TESK2: variants seen among roughly 807,000 people sequenced by gnomAD.
The protein encoded by TESK2 is testis associated actin remodelling kinase 2.
A neutral mutation model predicts 57.1 loss-of-function variants in TESK2; 39 were observed. The observed-to-expected ratio is 0.68, with a 90% confidence interval of 0.53 to 0.89. The LOEUF (loss-of-function observed/expected upper bound fraction) is 0.89, where lower values mean the gene tolerates loss of function less well. Among genes scored for constraint, TESK2 ranks in the 40% least tolerant of loss-of-function variants. The pLI, the probability that TESK2 is intolerant of heterozygous loss-of-function variation, is 0.00. For synonymous variants in TESK2, 249 were observed against 267.9 expected (o/e 0.93, Z 0.69); for missense variants, 646 against 732.1 (o/e 0.88, Z 1.36).
chr1:45,473,698 T>C (rs1156867674), intron 1 of TESK2, among the ~76,000 whole-genome samples: 7 of 152,158 alleles, frequency 4.6e-5, no homozygotes. Context: ...TATGTTCAAA[T>C]TCTGACTCTG....
At chr1:45,476,604 T>G (rs1486084236) in intron 1 of TESK2, among the ~76,000 whole-genome samples, 1 of 151,870 alleles carries the variant, frequency 6.6e-6, no homozygotes, top group Non-Finnish European at 1.5e-5. Flanking sequence ...TCCCAGGACT[T>G]TGGGAGGCTA....
intron 1 of TESK2, among the ~76,000 whole-genome samples, chr1:45,487,957 C>A (rs1402527980): frequency 6.6e-6 from 1 of 151,634 alleles, no homozygotes; most frequent in South Asian, 2.1e-4. Context: ...TTCTTTCCCC[C>A]AGGCTGGAGT....
At chr1:45,456,888 C>G (rs1425786817) in intron 2 of TESK2, among the ~76,000 whole-genome samples, 1 of 152,042 alleles carries the variant, frequency 6.6e-6, no homozygotes, top group African/African-American at 2.4e-5. Flanking sequence ...TCATTAATTA[C>G]TGACAATGAG....
intron 1 of TESK2, among the ~76,000 whole-genome samples, chr1:45,488,202 G>A (rs1392610793): frequency 2.0e-5 from 3 of 152,052 alleles, no homozygotes; most frequent in African/African-American, 7.2e-5. Context: ...AATCCAAAGT[G>A]AGCCACTACA....
intron 1 of TESK2, among the ~76,000 whole-genome samples, chr1:45,483,287 A>C (rs1419234548): frequency 6.6e-6 from 1 of 151,446 alleles, no homozygotes; most frequent in Non-Finnish European, 1.5e-5. Flanking sequence ...TCTCAAAAAA[A>C]AAAAAACAAC....
intron 1 of TESK2, among the ~76,000 whole-genome samples, chr1:45,477,167 A>G (rs1484485539): frequency 6.6e-6 from 1 of 151,620 alleles, no homozygotes; most frequent in Non-Finnish European, 1.5e-5. Context: ...CAGAAGGCAG[A>G]GGTTGCGGTG....
chr1:45,461,304 G>A (rs1004195593), intron 1 of TESK2, among the ~76,000 whole-genome samples: 1 of 152,042 alleles, frequency 6.6e-6, no homozygotes, highest in African/African-American at 2.4e-5. Context: ...AGTGAGCTCA[G>A]ATCACACCAC....
chr1:45,346,596 C>T (rs909602590), intron 9 of TESK2, 97 bp downstream of exon 9: 15 of 1,016,540 alleles, frequency 1.5e-5, no homozygotes, highest in Middle Eastern at 4.2e-4. Flanking sequence ...AATGAGGTCC[C>T]TCATGAAGCT....
Position 45,483,321 on chromosome 1 carries a change from C to T in TESK2, c.-87+7531G>A, listed in dbSNP as rs185329354. On this transcript the variant is annotated intron_variant, in intron 1 of 10. Transcript: ENST00000372086. ...ACAACAACAAAAAAGAGGAGCCGGG[C>T]GTGGTGGCTCACACCTGTAATCCCA... is the stretch of plus-strand genomic sequence containing the variant. Among the ~76,000 whole-genome samples the T allele has an allele frequency of 7.3e-5, 11 of 151,478 alleles. 1 individual carries two copies. In the South Asian group the frequency reaches 1.7e-3, roughly 23 times the overall value.
intron 4 of TESK2, among the ~76,000 whole-genome samples, chr1:45,376,311 G>C (rs1354728468): frequency 6.7e-6 from 1 of 149,148 alleles, no homozygotes; most frequent in Non-Finnish European, 1.5e-5. Flanking sequence ...TGCCTCCAGG[G>C]ATGAAGCAAT....
intron 2 of TESK2, among the ~76,000 whole-genome samples, chr1:45,435,958 G>A (rs1426784801): frequency 6.6e-6 from 1 of 151,646 alleles, no homozygotes; most frequent in East Asian, 1.9e-4. Context: ...CTGTAAACAC[G>A]TGGATTTATT....
At chr1:45,435,650 A>T (rs1651174409) in intron 2 of TESK2, among the ~76,000 whole-genome samples, 1 of 143,818 alleles carries the variant, frequency 7.0e-6, no homozygotes, top group East Asian at 2.0e-4. Flanking sequence ...TAAGACCCAG[A>T]ATAACATGCT....
intron 3 of TESK2, among the ~76,000 whole-genome samples, chr1:45,396,436 G>A (rs1229209723): frequency 1.3e-5 from 2 of 151,868 alleles, no homozygotes; most frequent in Admixed American, 6.6e-5. Flanking sequence ...AATTTTTTGA[G>A]TACCTATTAT....
At chr1:45,453,781 T>A (rs1651966738) in intron 2 of TESK2, among the ~76,000 whole-genome samples, 1 of 152,034 alleles carries the variant, frequency 6.6e-6, no homozygotes, top group Non-Finnish European at 1.5e-5. Flanking sequence ...TATTTGCAAA[T>A]CATATATCTG....
intron 5 of TESK2, among the ~76,000 whole-genome samples, chr1:45,353,066 T>G (rs1372661746): frequency 2.6e-5 from 4 of 151,944 alleles, no homozygotes; most frequent in Non-Finnish European, 2.9e-5. Flanking sequence ...GCCCGGCTAA[T>G]TTTTGTATTT....
intron 1 of TESK2, among the ~76,000 whole-genome samples, chr1:45,462,815 T>C (rs1473208210): frequency 1.3e-5 from 2 of 152,240 alleles, no homozygotes; most frequent in South Asian, 2.1e-4. Context: ...GGGACCTCCA[T>C]AGTGTTCTCC....
intron 1 of TESK2, among the ~76,000 whole-genome samples, chr1:45,490,054 G>A (rs370503959): frequency 3.3e-5 from 5 of 152,240 alleles, no homozygotes; most frequent in African/African-American, 9.6e-5. Flanking sequence ...GCCTGGATGA[G>A]CACACTCGTT....
intron 1 of TESK2, among the ~76,000 whole-genome samples, chr1:45,483,853 C>G (rs903432130): frequency 6.6e-6 from 1 of 150,818 alleles, no homozygotes; most frequent in African/African-American, 2.4e-5. Flanking sequence ...AAAAATTAGC[C>G]AGGCATGGTG....
chr1:45,484,154 G>A lies in TESK2; in HGVS notation c.-87+6698C>T, dbSNP rs576518874. On this transcript the variant is annotated intron_variant, in intron 1 of 10. Coordinates refer to ENST00000372086, the MANE Select transcript of TESK2 (RefSeq NM_007170.3). ...ATGGAGTCTCCCTCTTGTCGCCTAA[G>A]CTGGAGTACAGCGGCGCGATCTCGG... Among the ~76,000 whole-genome samples the A allele has an allele frequency of 1.5e-3, 197 of 129,168 alleles. 1 individual carries two copies. The highest frequency in any genetic ancestry group is 5.7e-3 in the African/African-American group (190 of 33,612). 84.7% of individuals were successfully genotyped at this position (129,168 alleles called of 152,430 possible).
Sources: allele counts gnomAD v4.1 joint callset (sites outside exome capture counted in the v4.1 genomes callset), GRCh38; gene constraint gnomAD v4.1.1; transcripts MANE v1.5; gene names NCBI Gene and HGNC (gene_info 2026-07-23, HGNC 2026-07-21).